The following EXOC2 variants were observed in gnomAD, a reference collection of about 807,000 sequenced individuals.
The protein encoded by EXOC2 is SEC5-like 1.
EXOC2 carries 70 observed loss-of-function variants against 131.8 expected under a neutral mutation model. The ratio of observed to expected loss-of-function variants is 0.53; its 90% CI spans 0.44 to 0.65. The LOEUF is 0.65. EXOC2 is among the 30% of genes least tolerant of loss of function. The pLI is 0.00. For synonymous variants in EXOC2, 411 were observed against 398.4 expected, an observed-to-expected ratio of 1.03 and a Z score of -0.38; for missense variants, 923 against 1,108.6, an observed-to-expected ratio of 0.83 and a Z score of 2.38.
chr6:671,048 C>CAAA (rs376028047), intron 1 of EXOC2, among the ~76,000 whole-genome samples: 70 of 83,504 alleles, frequency 8.4e-4, no homozygotes, highest in East Asian at 1.2e-3. Context: ...GACTCCATCT[C>CAAA]AAAAAAAAAA....
chr6:602,469 A>G (rs183458052), intron 7 of EXOC2, among the ~76,000 whole-genome samples: 62 of 132,946 alleles, frequency 4.7e-4, no homozygotes, highest in African/African-American at 7.7e-4. Flanking sequence ...TTCTCACACC[A>G]AGAACACCCC....
intron 22 of EXOC2, 115 bp downstream of exon 22, chr6:549,060 G>T: frequency 1.3e-6 from 1 of 785,988 alleles, no homozygotes; most frequent in Non-Finnish European, 2.2e-6. Context: ...CAGTGTGGCT[G>T]TGGGGGCGGC....
chr6:557,345 C>T (rs746539759), intron 17 of EXOC2, among the ~76,000 whole-genome samples: 33 of 152,096 alleles, frequency 2.2e-4, no homozygotes, highest in Non-Finnish European at 3.5e-4. Context: ...TTTGGCCGGG[C>T]GCAGTGGCTC....
chr6:692,790 T>C (rs1294310307), intron 1 of EXOC2, among the ~76,000 whole-genome samples: 5 of 64,580 alleles, frequency 7.7e-5, no homozygotes, highest in East Asian at 1.5e-3. Flanking sequence ...GGGTGCGAAC[T>C]GGCGGGGGTG....
At chr6:607,592 A>C (rs543163012) in intron 7 of EXOC2, among the ~76,000 whole-genome samples, 2 of 152,384 alleles carry the variant, frequency 1.3e-5, no homozygotes, top group South Asian at 4.1e-4. Context: ...AGCAGAATTA[A>C]TTAAAATTAA....
chr6:645,538 T>C (rs778693890), intron 1 of EXOC2, among the ~76,000 whole-genome samples: 3 of 152,102 alleles, frequency 2.0e-5, no homozygotes, highest in Admixed American at 6.6e-5. Flanking sequence ...CAAAGGACTT[T>C]ATACAAACAA....
intron 1 of EXOC2, chr6:656,393 G>A (rs766757410): frequency 6.2e-7 from 1 of 1,614,162 alleles, no homozygotes. Context: ...TGCCACTGAG[G>A]TTTGCTTCCA....
intron 7 of EXOC2, among the ~76,000 whole-genome samples, chr6:605,226 G>A (rs1239296204): frequency 6.6e-6 from 1 of 152,204 alleles, no homozygotes; most frequent in African/African-American, 2.4e-5. Context: ...TATGACAGGG[G>A]CTGTGCAAGC....
At chr6:644,991 C>G (rs1618548) in intron 1 of EXOC2, among the ~76,000 whole-genome samples, 107,739 of 151,948 alleles carry the variant, frequency 0.71, 38,827 homozygotes, top group Middle Eastern at 0.88. Flanking sequence ...GATATTCGAA[C>G]ATCTAGCAAG....
At position 502,019 on chromosome 6, in the gene EXOC2, G is replaced by C. The variant is rs1036806222; in HGVS notation, c.2381-2319C>G. On this transcript the variant is annotated intron_variant, in intron 23 of 27. Transcript: ENST00000230449. ...GTCCCCAGACTGCTCCCGCTGCTGTGGGGGCACTGGGGCCTGGCCTCGCCG... is the reference window on the plus strand; with the variant it reads ...GTCCCCAGACTGCTCCCGCTGCTGTCGGGGCACTGGGGCCTGGCCTCGCCG... 5.3e-5 allele frequency among the ~76,000 whole-genome samples: 8 copies of C among 152,266 alleles called. No individual in the cohort carries two copies. The East Asian group carries it at 9.7e-4, about 18-fold the overall frequency.
At chr6:504,607 G>A (rs1471843213) in intron 23 of EXOC2, among the ~76,000 whole-genome samples, 1 of 152,156 alleles carries the variant, frequency 6.6e-6, no homozygotes, top group Non-Finnish European at 1.5e-5. Flanking sequence ...GAACACTTGA[G>A]ATGGAATTTC....
At chr6:592,389 G>A in intron 11 of EXOC2, 80 bp downstream of exon 11, 1 of 1,217,652 alleles carries the variant, frequency 8.2e-7, no homozygotes, top group Non-Finnish European at 1.2e-6. Context: ...GGTAGTCAGT[G>A]CCTTCATCAT....
chr6:514,272 T>C (rs945086176), intron 23 of EXOC2, among the ~76,000 whole-genome samples: 2 of 152,358 alleles, frequency 1.3e-5, no homozygotes, highest in Admixed American at 6.5e-5. Context: ...TAACTATTTA[T>C]TACTAACTAC....
chr6:520,626 C>T (rs777493427), intron 23 of EXOC2, among the ~76,000 whole-genome samples: 1 of 22,154 alleles, frequency 4.5e-5, no homozygotes, highest in African/African-American at 2.0e-4. Context: ...GAACCACCAC[C>T]CACCGAGCGC....
chr6:625,974 G>A (rs1014217453), intron 4 of EXOC2, among the ~76,000 whole-genome samples: 1 of 152,152 alleles, frequency 6.6e-6, no homozygotes, highest in Non-Finnish European at 1.5e-5. Flanking sequence ...AGGCAATTGA[G>A]TATTGATTTC....
chr6:514,566 T>C (rs1765030448), intron 23 of EXOC2, among the ~76,000 whole-genome samples: 1 of 152,236 alleles, frequency 6.6e-6, no homozygotes, highest in Non-Finnish European at 1.5e-5. Context: ...CACTTTCCCA[T>C]GCTCTGAGCG....
chr6:569,658 T>G (rs987225400), intron 13 of EXOC2, among the ~76,000 whole-genome samples: 1 of 152,198 alleles, frequency 6.6e-6, no homozygotes, highest in African/African-American at 2.4e-5. Flanking sequence ...AGCCCTGCGC[T>G]TTCCTCTAGC....
intron 21 of EXOC2, among the ~76,000 whole-genome samples, chr6:549,741 C>T (rs977579051): frequency 1.3e-5 from 2 of 152,140 alleles, no homozygotes; most frequent in Non-Finnish European, 2.9e-5. Context: ...ATTTTTATAA[C>T]CTGGAACAGA....
chr6:495,221 G>A (rs1466903929), intron 25 of EXOC2, among the ~76,000 whole-genome samples: 2 of 151,350 alleles, frequency 1.3e-5, no homozygotes, highest in Admixed American at 6.6e-5. Context: ...CACCTCCAGG[G>A]TTCACGCCAT....
Sources: allele counts gnomAD v4.1 joint callset (sites outside exome capture counted in the v4.1 genomes callset), GRCh38; gene constraint gnomAD v4.1.1; transcripts MANE v1.5; gene names NCBI Gene and HGNC (gene_info 2026-07-23, HGNC 2026-07-21).